Variants in SPECC1L observed in about 807,000 individuals in gnomAD.
The protein encoded by SPECC1L is cytospin-A.
SPECC1L carries 40 observed loss-of-function variants against 116.8 expected under a neutral mutation model. The observed-to-expected ratio is 0.34, with a 90% CI of 0.27 to 0.45. The LOEUF is 0.45. Ranked by LOEUF, SPECC1L falls within the 20% of genes least tolerant of loss-of-function variation. The pLI is 1.00. For missense variants in SPECC1L, 1,110 were observed against 1,373.6 expected, an observed-to-expected ratio of 0.81 and a Z score of 3.03; for synonymous variants, 504 against 500.6, an observed-to-expected ratio of 1.01 and a Z score of -0.09.
intron 2 of SPECC1L, among the ~76,000 whole-genome samples, chr22:24,298,062 A>G (rs1263081131): frequency 6.6e-6 from 1 of 152,188 alleles, no homozygotes; most frequent in Non-Finnish European, 1.5e-5. Flanking sequence ...GGTTCGACCT[A>G]AGATTTTTCA....
intron 2 of SPECC1L, among the ~76,000 whole-genome samples, chr22:24,286,137 C>A (rs764477210): frequency 6.6e-6 from 1 of 152,100 alleles, no homozygotes; most frequent in African/African-American, 2.4e-5. Context: ...AATATAGTTT[C>A]GAAGGCTTAG....
rs961087154 is a variant in SPECC1L, at chr22:24,417,721, TAA to T, written c.*3100_*3101del. 3 of 152,220 alleles carry T rather than the reference TAA, an allele frequency of 2.0e-5. No individual in the cohort carries two copies. Among genetic ancestry groups the T allele is most frequent in the African/African-American group, 7.2e-5 (3 of 41,454 alleles). 9.4% of individuals were successfully genotyped at this position (152,220 alleles called of 1,614,324 possible). On this transcript the variant is annotated 3_prime_UTR_variant, in exon 17 of 17. Coordinates refer to ENST00000314328, the MANE Select transcript of SPECC1L (RefSeq NM_015330.6). ...GGTATCCTACCCAGAGGCAACCAGA[TAA>T]ACTTTTTTGCCTGTGCATTGTTTTT... is the stretch of plus-strand genomic sequence containing the variant.
At chr22:24,407,629 T>A (rs985752435) in intron 14 of SPECC1L, among the ~76,000 whole-genome samples, 1 of 152,186 alleles carries the variant, frequency 6.6e-6, no homozygotes, top group Non-Finnish European at 1.5e-5. Flanking sequence ...CACACAGAGC[T>A]CCACACGTTA....
intron 14 of SPECC1L, among the ~76,000 whole-genome samples, chr22:24,374,647 A>G (rs1176090440): frequency 7.6e-6 from 1 of 132,136 alleles, no homozygotes; most frequent in Non-Finnish European, 1.6e-5. Context: ...GGGGGGAGGG[A>G]TAGCATTAGG....
In SPECC1L at chr22:24,321,464, T is replaced by C; in HGVS notation, c.484T>C (p.Cys162Arg). The C allele has an allele frequency of 1.2e-6, 2 of 1,614,264 alleles. No homozygotes were observed. The highest frequency in any genetic ancestry group is 1.7e-6 in the Non-Finnish European group (2 of 1,180,052). Residue 162 changes from cysteine (C) to arginine (R), a missense_variant, in exon 5 of 17, where the codon TGT (cysteine) becomes CGT (arginine). Physicochemically the swap from Cys to Arg is radical, Grantham distance 180. Transcript: ENST00000314328. ...TTCCCGCAGTCGAACTGCTACAGAA[T>C]GTGACGTTCGTATGAGCAAGTCTAA... is the stretch of plus-strand genomic sequence containing the variant. ...KRSRSRTATE[C>R]DVRMSKSKSD...
intron 2 of SPECC1L, among the ~76,000 whole-genome samples, chr22:24,299,730 T>TA (rs1178221915): frequency 1.3e-5 from 2 of 152,156 alleles, no homozygotes; most frequent in African/African-American, 4.8e-5. Flanking sequence ...GCTCTATTGA[T>TA]ATGTAATTTA....
intron 5 of SPECC1L, among the ~76,000 whole-genome samples, chr22:24,323,301 A>G (rs2040757195): frequency 6.6e-6 from 1 of 152,212 alleles, no homozygotes; most frequent in Non-Finnish European, 1.5e-5. Flanking sequence ...AGTCTGTAGC[A>G]TCAGCAGTGC....
At position 24,414,869 on chromosome 22, in the gene SPECC1L, G is replaced by A. The variant is rs2042773128; in HGVS notation, c.*246G>A. On this transcript the variant is annotated 3_prime_UTR_variant, in exon 17 of 17. Transcript: ENST00000314328. ...TGTGGGCTCAGCACACATCCTGCAGGCCGGTGGCTGCTGGAGTTTTCCTTC... is the reference window on the plus strand; with the variant it reads ...TGTGGGCTCAGCACACATCCTGCAGACCGGTGGCTGCTGGAGTTTTCCTTC... 1 of 544,896 alleles carries A rather than the reference G, an allele frequency of 1.8e-6. No homozygotes were observed. The highest frequency in any genetic ancestry group is 3.3e-6 in the Non-Finnish European group (1 of 301,042). 33.8% of individuals were successfully genotyped at this position (544,896 alleles called of 1,614,324 possible).
intron 10 of SPECC1L, among the ~76,000 whole-genome samples, chr22:24,345,635 A>G (rs1601587442): frequency 7.1e-6 from 1 of 140,804 alleles, no homozygotes; most frequent in Non-Finnish European, 1.5e-5. Flanking sequence ...GAAGAATACA[A>G]ATGGCCAATG....
intron 8 of SPECC1L, among the ~76,000 whole-genome samples, chr22:24,330,878 A>G (rs932021450): frequency 1.3e-5 from 2 of 152,176 alleles, no homozygotes; most frequent in African/African-American, 4.8e-5. Flanking sequence ...ACACAATACT[A>G]CCTGCCTTAC....
chr22:24,413,123 G>A (rs1236556628), intron 16 of SPECC1L, among the ~76,000 whole-genome samples: 2 of 152,220 alleles, frequency 1.3e-5, no homozygotes, highest in Non-Finnish European at 2.9e-5. Flanking sequence ...TAGAGCGAGA[G>A]GGCAAGGCAG....
intron 14 of SPECC1L, among the ~76,000 whole-genome samples, chr22:24,389,775 C>G (rs1465823007): frequency 6.6e-6 from 1 of 151,880 alleles, no homozygotes; most frequent in Non-Finnish European, 1.5e-5. Flanking sequence ...AAATAGGAGA[C>G]AAATAGGAGA....
At chr22:24,391,975 A>G (rs1184340503) in intron 14 of SPECC1L, among the ~76,000 whole-genome samples, 3 of 152,238 alleles carry the variant, frequency 2.0e-5, no homozygotes, top group Non-Finnish European at 4.4e-5. Context: ...CTTCATGTGA[A>G]TCAGCACCCA....
At position 24,322,229 on chromosome 22, in the gene SPECC1L, A is replaced by G. The variant is rs111653895; in HGVS notation, c.1249A>G (p.Thr417Ala). 1 of 1,614,180 alleles carries G rather than the reference A, an allele frequency of 6.2e-7. No homozygotes were observed. The highest frequency in any genetic ancestry group is 8.5e-7 in the Non-Finnish European group (1 of 1,180,040). Residue 417 changes from threonine to alanine, a missense_variant, in exon 5 of 17, where the codon ACC (threonine) becomes GCC (alanine). Thr to Ala is a moderately conservative substitution (Grantham distance 58). Coordinates refer to ENST00000314328, the MANE Select transcript of SPECC1L (RefSeq NM_015330.6). The part of the protein sequence containing the change: ...QHSTSEELQA[T>A]LQELADLQQI... ...CAGTACAAGTGAGGAACTCCAGGCA[A>G]CCCTGCAAGAGCTAGCTGATTTACA...
In SPECC1L at chr22:24,329,775, GCTTCCT is replaced by G. The variant is rs561695057; in HGVS notation, c.2221-468_2221-463del. ...TATTGAGTTTAGTGTTTTTCTTCTG[GCTTCCT>G]CTTCCTCTTCCTTTTCTTTTGATTT... On this transcript the variant is annotated intron_variant, in intron 7 of 16. Transcript: ENST00000314328. 3.8e-4 allele frequency among the ~76,000 whole-genome samples: 58 copies of G among 152,060 alleles called. 3 individuals carry two copies. In the South Asian group the frequency reaches 0.011, roughly 30 times the overall value.
intron 10 of SPECC1L, among the ~76,000 whole-genome samples, chr22:24,341,485 A>G (rs557825725): frequency 4.6e-5 from 7 of 152,342 alleles, no homozygotes; most frequent in African/African-American, 1.7e-4. Flanking sequence ...TGAAAGTATC[A>G]TAGAACTAAA....
intron 2 of SPECC1L, among the ~76,000 whole-genome samples, chr22:24,300,013 G>A (rs2049345198): frequency 6.6e-6 from 1 of 151,992 alleles, no homozygotes; most frequent in South Asian, 2.1e-4. Context: ...CAGTTTTTTT[G>A]TTCTTTATTT....
intron 3 of SPECC1L, 39 bp downstream of exon 3, chr22:24,302,423 A>C: frequency 1.2e-6 from 2 of 1,610,816 alleles, no homozygotes; most frequent in Non-Finnish European, 8.5e-7. Context: ...GGGTTTTTGG[A>C]GGACTGAATT....
In SPECC1L at chr22:24,308,877, A is replaced by G. The variant is rs1601530507; in HGVS notation, c.154-4436A>G. Among the ~76,000 whole-genome samples the G allele has an allele frequency of 2.6e-5, 4 of 152,252 alleles. No homozygotes were observed. In the South Asian group the frequency reaches 8.3e-4, roughly 32 times the overall value. On this transcript the variant is annotated intron_variant, in intron 3 of 16. Transcript: ENST00000314328. Reference sequence around the variant, plus strand: ...ATTCATAGATTCTTAGTGGAGTATAAATTATTAGGATCATTTAGTTTTATG... The same window carrying G: ...ATTCATAGATTCTTAGTGGAGTATAGATTATTAGGATCATTTAGTTTTATG...
Sources: allele counts gnomAD v4.1 joint callset (sites outside exome capture counted in the v4.1 genomes callset), GRCh38; gene constraint gnomAD v4.1.1; transcripts MANE v1.5; gene names NCBI Gene and HGNC (gene_info 2026-07-23, HGNC 2026-07-21).